The following CASK variants were observed in gnomAD, a reference collection of about 807,000 sequenced individuals.
CASK encodes calcium/calmodulin dependent serine protein kinase.
CASK carries 4 observed loss-of-function variants against 82.9 expected under a neutral mutation model. The observed-to-expected ratio is 0.05, with a 90% CI of 0.02 to 0.11. The LOEUF (loss-of-function observed/expected upper bound fraction) is 0.11, where lower values mean the gene tolerates loss of function less well. CASK is among the 10% of genes least tolerant of loss of function. The pLI is 1.00. For missense variants in CASK, 358 were observed against 720.9 expected (o/e 0.50, Z 5.76); for synonymous variants, 259 against 253.5 (o/e 1.02, Z -0.20).
chrX:41,766,779 T>TG (rs1158329110), intron 3 of CASK, among the ~76,000 whole-genome samples: 2 of 110,867 alleles, frequency 1.8e-5, no homozygotes, highest in Admixed American at 9.7e-5. Flanking sequence ...CCCAGCTACC[T>TG]GGGGGGCTGA....
chrX:41,706,722 G>A (rs753716076), intron 5 of CASK, among the ~76,000 whole-genome samples: 1 of 111,836 alleles, frequency 8.9e-6, no homozygotes, highest in South Asian at 3.7e-4. Flanking sequence ...CACGATCATA[G>A]TTCACTGTAG....
At chrX:41,713,870 T>C (rs1193199423) in intron 5 of CASK, among the ~76,000 whole-genome samples, 3 of 111,041 alleles carry the variant, frequency 2.7e-5, no homozygotes, top group Non-Finnish European at 3.8e-5. Context: ...CTATAGAAGG[T>C]TGGTAGGGAG....
intron 1 of CASK, among the ~76,000 whole-genome samples, chrX:41,861,260 G>A (rs972177690): frequency 9.0e-6 from 1 of 111,396 alleles, no homozygotes; most frequent in Admixed American, 9.6e-5. Flanking sequence ...GTGCGTGTGT[G>A]CGTGTGCATG....
rs1309922295 is a variant in CASK, at chrX:41,690,139, GC to G, written c.430-18610del. 4.3e-4 allele frequency among the ~76,000 whole-genome samples: 48 copies of G among 111,624 alleles called. No homozygotes were observed. The Admixed American group carries it at 4.4e-3, about 10-fold the overall frequency. ...ATATAGCACATGGGTCACAAGTAATGCCCACTGGGAAATTAATCCCCTATGT... is the reference window on the plus strand; with the variant it reads ...ATATAGCACATGGGTCACAAGTAATGCCACTGGGAAATTAATCCCCTATGT... On this transcript the variant is annotated intron_variant, in intron 5 of 26. Coordinates refer to ENST00000378163, the MANE Select transcript of CASK (RefSeq NM_001367721.1).
intron 5 of CASK, among the ~76,000 whole-genome samples, chrX:41,677,713 A>G (rs769206844): frequency 6.8e-4 from 76 of 112,127 alleles, no homozygotes; most frequent in Non-Finnish European, 1.1e-3. Context: ...GATGTAGAAG[A>G]AAGTGTGAAG....
rs1192377020 is a variant in CASK at position 41,551,879 on chromosome X, C to CAA, written c.2039+1838_2039+1839dup. Among the ~76,000 whole-genome samples, 83 of 23,234 alleles carry CAA rather than the reference C, an allele frequency of 3.6e-3. 1 individual carries two copies. The highest frequency in any genetic ancestry group is 4.0e-3 in the African/African-American group (24 of 5,971). The allele number at this position is 23,234 out of a possible 115,157, so 20.2% of individuals were successfully genotyped here. A position where few individuals can be genotyped will look rare whatever the true frequency, so the allele number is the denominator to read the frequency against. On this transcript the variant is annotated intron_variant, in intron 21 of 26. Transcript: ENST00000378163. The stretch of plus-strand genomic sequence containing the variant: ...TGGGCCACAGGGCGAGACTCCGTCT[C>CAA]AAAAAAAAAAAAAAAAAAAAAAAAA...
chrX:41,533,617 C>T (rs754471475), intron 24 of CASK, among the ~76,000 whole-genome samples: 13 of 112,372 alleles, frequency 1.2e-4, no homozygotes, highest in Non-Finnish European at 2.1e-4. Flanking sequence ...TTTCCTTTAG[C>T]TCTTCCAACC....
chrX:41,625,827 T>G (rs763468722), intron 10 of CASK, among the ~76,000 whole-genome samples: 3 of 109,300 alleles, frequency 2.7e-5, no homozygotes, highest in Non-Finnish European at 5.7e-5. Flanking sequence ...TCGCCCAGGC[T>G]GGAGTGCAGT....
chrX:41,908,462 A>G (rs2072507504), intron 1 of CASK, among the ~76,000 whole-genome samples: 1 of 112,022 alleles, frequency 8.9e-6, no homozygotes, highest in Non-Finnish European at 1.9e-5. Flanking sequence ...GAGGAAGTAA[A>G]AAGGCAGTAA....
chrX:41,876,130 A>G (rs1454584389), intron 1 of CASK, among the ~76,000 whole-genome samples: 2 of 111,487 alleles, frequency 1.8e-5, no homozygotes, highest in African/African-American at 6.5e-5. Context: ...AATTATTAGT[A>G]ACAGATACTT....
intron 8 of CASK, among the ~76,000 whole-genome samples, chrX:41,637,388 T>TG (rs2066575117): frequency 1.8e-5 from 1 of 54,061 alleles, no homozygotes; most frequent in Non-Finnish European, 3.8e-5. Flanking sequence ...CTTTTTTTTT[T>TG]TTTTTTTTTT....
At chrX:41,644,783 G>A (rs775078134) in intron 8 of CASK, among the ~76,000 whole-genome samples, 6 of 111,620 alleles carry the variant, frequency 5.4e-5, no homozygotes, top group Non-Finnish European at 9.4e-5. Flanking sequence ...CCCTTGAGGC[G>A]TACTTGTCTC....
At chrX:41,878,502 A>G (rs1306280534) in intron 1 of CASK, among the ~76,000 whole-genome samples, 1 of 109,408 alleles carries the variant, frequency 9.1e-6, no homozygotes, top group Non-Finnish European at 1.9e-5. Flanking sequence ...GTTTTTGTGT[A>G]TTTTTTGCAA....
Position 41,923,356 on chromosome X carries a change from C to T in CASK, c.-368G>A, listed in dbSNP as rs1227233777. The T allele has an allele frequency of 9.1e-6, 1 of 110,342 alleles. No individual in the cohort carries two copies. The highest frequency in any genetic ancestry group is 1.9e-5 in the Non-Finnish European group (1 of 52,261). The allele number at this position is 110,342 out of a possible 1,213,427, so 9.1% of individuals were successfully genotyped here. A position where few individuals can be genotyped will look rare whatever the true frequency, so the allele number is the denominator to read the frequency against. ...CGCGGGCCGCGAGGCCGCGACCGCT[C>T]CCTCTGTCCGAGGCCGGCTCCGTCG... On this transcript the variant is annotated 5_prime_UTR_variant, in exon 1 of 27. Transcript: ENST00000378163.
Position 41,702,792 on chromosome X carries a change from CAAAACA to C in CASK, c.430-31268_430-31263del, listed in dbSNP as rs923649180. On this transcript the variant is annotated intron_variant, in intron 5 of 26. Coordinates refer to ENST00000378163, the MANE Select transcript of CASK (RefSeq NM_001367721.1). ...CTGATGAAAGAGTGAGACTCTGTCT[CAAAACA>C]AAAACAAAAACAAAAACAAAAAACA... Among the ~76,000 whole-genome samples, 296 of 111,865 alleles carry C rather than the reference CAAAACA, an allele frequency of 2.6e-3. 1 individual carries two copies. The highest frequency in any genetic ancestry group is 8.9e-3 in the African/African-American group (274 of 30,770).
intron 5 of CASK, among the ~76,000 whole-genome samples, chrX:41,719,412 T>A (rs1053281529): frequency 1.2e-4 from 13 of 112,062 alleles, no homozygotes; most frequent in Non-Finnish European, 2.4e-4. Flanking sequence ...AAATGCAAAC[T>A]AATAAGAAAA....
intron 1 of CASK, among the ~76,000 whole-genome samples, chrX:41,914,410 C>G (rs2072635297): frequency 8.9e-6 from 1 of 112,404 alleles, no homozygotes. Context: ...ATAGCACGCA[C>G]TTAGATACCA....
chrX:41,572,144 G>C (rs1234698682), intron 15 of CASK, among the ~76,000 whole-genome samples: 5 of 107,485 alleles, frequency 4.7e-5, no homozygotes, highest in Non-Finnish European at 7.7e-5. Context: ...GAGCACAGTG[G>C]TGCAATCATA....
chrX:41,767,579 T>C (rs951516369), intron 3 of CASK, among the ~76,000 whole-genome samples: 29 of 112,176 alleles, frequency 2.6e-4, no homozygotes, highest in Non-Finnish European at 4.9e-4. Flanking sequence ...GGATTCCACG[T>C]TGCATTTAGT....
Sources: allele counts gnomAD v4.1 joint callset (sites outside exome capture counted in the v4.1 genomes callset), GRCh38; gene constraint gnomAD v4.1.1; transcripts MANE v1.5; gene names NCBI Gene and HGNC (gene_info 2026-07-23, HGNC 2026-07-21).